The following DEFB119 variants were observed in gnomAD, a reference collection of about 807,000 sequenced individuals.
DEFB119 encodes beta-defensin 119.
DEFB119 carries 3 observed loss-of-function variants against 2.5 expected under a neutral mutation model. The observed-to-expected ratio is 1.19, with a 90% CI of 0.54 to 3.07. DEFB119 has a LOEUF of 3.07. DEFB119 is among the 30% of genes most tolerant of loss of function. DEFB119 has a pLI of 0.03. For missense variants in DEFB119, 113 were observed against 101.1 expected, an observed-to-expected ratio of 1.12 and a Z score of -0.50; for synonymous variants, 29 against 33.7, an observed-to-expected ratio of 0.86 and a Z score of 0.48.
chr20:31,388,165 C>T, intron 1 of DEFB119: 13 of 984,618 alleles, frequency 1.3e-5, no homozygotes, highest in Non-Finnish European at 1.4e-5. Context: ...AAATGTTCCC[C>T]ATGAGTGAGT....
rs115355226 is a variant in DEFB119, at chr20:31,377,185, T to C, written c.*61A>G. On this transcript the variant is annotated 3_prime_UTR_variant, in exon 2 of 2. Coordinates refer to ENST00000376321, the MANE Select transcript of DEFB119 (RefSeq NM_153289.4). The stretch of plus-strand genomic sequence containing the variant: ...AGGGTAGCAGGCACATGAATTTTAA[T>C]GAGGGGGGTTGACAGCAGGTCTCTG... 1,736 of 1,488,526 alleles carry C rather than the reference T, an allele frequency of 1.2e-3. 29 individuals are homozygous for C. In the African/African-American group the frequency reaches 0.022, roughly 19 times the overall value. The allele number at this position is 1,488,526 out of a possible 1,614,324, so 92.2% of individuals were successfully genotyped here.
chr20:31,378,126 C>T (rs766904070), intron 1 of DEFB119, among the ~76,000 whole-genome samples: 6 of 152,182 alleles, frequency 3.9e-5, no homozygotes, highest in Non-Finnish European at 8.8e-5. Context: ...ATGTGGGAAG[C>T]CTCGACTTCC....
At chr20:31,389,867 C>A (rs757238847) in intron 1 of DEFB119, among the ~76,000 whole-genome samples, 22 of 151,990 alleles carry the variant, frequency 1.4e-4, no homozygotes, top group African/African-American at 5.3e-4. Context: ...AACCTCAATT[C>A]CCAGCAGTAT....
At chr20:31,380,759 C>A (rs1397954231) in intron 1 of DEFB119, among the ~76,000 whole-genome samples, 1 of 151,942 alleles carries the variant, frequency 6.6e-6, no homozygotes, top group Non-Finnish European at 1.5e-5. Context: ...TTTCTGAGTT[C>A]CCTATTCTGT....
chr20:31,380,599 G>A (rs749991763), intron 1 of DEFB119, among the ~76,000 whole-genome samples: 39 of 152,014 alleles, frequency 2.6e-4, no homozygotes, highest in Non-Finnish European at 3.8e-4. Flanking sequence ...ATTTGTGAAA[G>A]GTGTGACGTT....
At position 31,377,233 on chromosome 20, in the gene DEFB119, T is replaced by C; in HGVS notation, c.*13A>G. ...CTGTGCCCAGAGAGCTTGAGAATGGTAATCACCAGCACTCAAGGTAGTCTT... is the reference window on the plus strand; with the variant it reads ...CTGTGCCCAGAGAGCTTGAGAATGGCAATCACCAGCACTCAAGGTAGTCTT... On this transcript the variant is annotated 3_prime_UTR_variant, in exon 2 of 2. Transcript: ENST00000376321. 6.2e-7 allele frequency: 1 copy of C among 1,600,544 alleles called. No homozygotes were observed. The highest frequency in any genetic ancestry group is 8.5e-7 in the Non-Finnish European group (1 of 1,173,312).
intron 1 of DEFB119, among the ~76,000 whole-genome samples, chr20:31,388,704 G>C (rs1240441702): frequency 2.0e-5 from 3 of 152,032 alleles, no homozygotes; most frequent in African/African-American, 7.2e-5. Context: ...AACTCTCCCA[G>C]CCTAAGGATT....
chr20:31,377,586 T>G, intron 1 of DEFB119, 147 bp from the exon 2 acceptor site: 1 of 936,250 alleles, frequency 1.1e-6, no homozygotes, highest in Non-Finnish European at 1.5e-6. Context: ...AAAAAAAGAG[T>G]CAATGTCTTT....
intron 1 of DEFB119, chr20:31,388,905 T>C: frequency 6.0e-6 from 8 of 1,336,156 alleles, no homozygotes; most frequent in East Asian, 2.7e-5. Flanking sequence ...CACCTCCCCC[T>C]GCCATCCCCC....
chr20:31,390,458 G>T lies in DEFB119; in HGVS notation c.26C>A (p.Ala9Asp). 6.2e-7 allele frequency: 1 copy of T among 1,613,114 alleles called. No individual in the cohort carries two copies. The highest frequency in any genetic ancestry group is 8.5e-7 in the Non-Finnish European group (1 of 1,179,638). MKLLYLFL[A>D]ILLAIEEPVI... ...TGGTTCTTCTATGGCCAGAAGGATGGCAAGAAACAGGTAAAGAAGTTTCAT... is the reference window on the plus strand; with the variant it reads ...TGGTTCTTCTATGGCCAGAAGGATGTCAAGAAACAGGTAAAGAAGTTTCAT... The change falls in exon 1 of 2, where the codon GCC (alanine) becomes GAC (aspartate). Residue 9 changes from alanine to aspartate, a missense_variant. Physicochemically the swap from Ala to Asp is moderately radical, Grantham distance 126. Coordinates refer to ENST00000376321, the MANE Select transcript of DEFB119 (RefSeq NM_153289.4).
intron 1 of DEFB119, chr20:31,388,000 C>A: frequency 1.1e-6 from 1 of 925,690 alleles, no homozygotes; most frequent in Non-Finnish European, 1.3e-6. Flanking sequence ...ATGAACCATG[C>A]TTTACCGAGC....
At chr20:31,379,325 C>T (rs1341528253) in intron 1 of DEFB119, among the ~76,000 whole-genome samples, 1 of 152,142 alleles carries the variant, frequency 6.6e-6, no homozygotes, top group Non-Finnish European at 1.5e-5. Flanking sequence ...TTAATTTTAG[C>T]TGCTCTAATA....
intron 1 of DEFB119, 27 bp from the exon 2 acceptor site, chr20:31,377,466 G>A: frequency 6.2e-7 from 1 of 1,603,010 alleles, no homozygotes; most frequent in Admixed American, 1.7e-5. Context: ...AATACAAATA[G>A]TTAATTCACC....
intron 1 of DEFB119, among the ~76,000 whole-genome samples, chr20:31,387,183 A>G (rs531838067): frequency 6.6e-6 from 1 of 152,178 alleles, no homozygotes; most frequent in African/African-American, 2.4e-5. Flanking sequence ...GTTTGAGGTG[A>G]TGGATATGCT....
intron 1 of DEFB119, among the ~76,000 whole-genome samples, chr20:31,379,944 C>T (rs1009790421): frequency 1.3e-5 from 2 of 152,144 alleles, no homozygotes; most frequent in Non-Finnish European, 2.9e-5. Flanking sequence ...GGATTACAGG[C>T]GTGAGCCACC....
At chr20:31,378,142 C>G (rs1986370198) in intron 1 of DEFB119, among the ~76,000 whole-genome samples, 1 of 152,210 alleles carries the variant, frequency 6.6e-6, no homozygotes, top group South Asian at 2.1e-4. Flanking sequence ...CTTCCCCTAT[C>G]TGGTGGGAAG....
chr20:31,379,630 A>G (rs1986434594), intron 1 of DEFB119, among the ~76,000 whole-genome samples: 1 of 149,702 alleles, frequency 6.7e-6, no homozygotes, highest in Non-Finnish European at 1.5e-5. Flanking sequence ...AGTAGCTGGG[A>G]TTACAGGTGC....
rs373935647 is a variant in DEFB119 at position 31,388,106 on chromosome 20, A to G, written c.61+2317T>C. On this transcript the variant is annotated intron_variant, in intron 1 of 1. Coordinates refer to ENST00000376321, the MANE Select transcript of DEFB119 (RefSeq NM_153289.4). The stretch of plus-strand genomic sequence containing the variant: ...GGCCCAGAGAATAGGACTTGAGAAT[A>G]AAGTCTGGGAAGACACCCAGATTCT... The G allele has an allele frequency of 5.5e-5, 54 of 985,420 alleles. 1 individual carries two copies. The East Asian group carries it at 2.7e-3, about 50-fold the overall frequency. The allele number at this position is 985,420 out of a possible 1,614,324, so 61.0% of individuals were successfully genotyped here.
At chr20:31,383,533 T>TA (rs34549958) in intron 1 of DEFB119, among the ~76,000 whole-genome samples, 2,975 of 55,224 alleles carry the variant, frequency 0.054, 135 homozygotes, top group African/African-American at 0.12. Flanking sequence ...GACTCTGTCT[T>TA]AAAAAAAAAA....
Sources: allele counts gnomAD v4.1 joint callset (sites outside exome capture counted in the v4.1 genomes callset), GRCh38; gene constraint gnomAD v4.1.1; transcripts MANE v1.5; gene names NCBI Gene and HGNC (gene_info 2026-07-23, HGNC 2026-07-21).